The following SYBU variants were observed in gnomAD, a reference collection of about 807,000 sequenced individuals.
SYBU encodes syntabulin.
Under a neutral mutation model 35.9 loss-of-function variants are expected in SYBU, and 21 were observed. The observed-to-expected ratio is 0.58, with a 90% CI of 0.41 to 0.84. The LOEUF (loss-of-function observed/expected upper bound fraction) is 0.84, where lower values mean the gene tolerates loss of function less well. SYBU is among the 40% of genes least tolerant of loss of function. SYBU has a pLI of 0.00. For synonymous variants in SYBU, 319 were observed against 324.3 expected (o/e 0.98, Z 0.18); for missense variants, 768 against 848.2 (o/e 0.91, Z 1.17).
At chr8:109,655,151 G>T (rs9297431) in intron 1 of SYBU, among the ~76,000 whole-genome samples, 18,850 of 152,072 alleles carry the variant, frequency 0.12, 3,288 homozygotes, top group African/African-American at 0.39. Flanking sequence ...CGCCTTTGAC[G>T]TTCACAAATG....
At chr8:109,582,120 G>T in intron 4 of SYBU, among the ~76,000 whole-genome samples, 1 of 152,134 alleles carries the variant, frequency 6.6e-6, no homozygotes, top group Non-Finnish European at 1.5e-5. Flanking sequence ...CCTTAGGCAG[G>T]AATGTAAAGA....
chr8:109,675,790 G>T (rs183755761), intron 1 of SYBU, among the ~76,000 whole-genome samples: 15 of 152,312 alleles, frequency 9.8e-5, no homozygotes, highest in Admixed American at 2.0e-4. Flanking sequence ...CTCATTTTAT[G>T]AGGTCAGCAT....
Position 109,660,566 on chromosome 8 carries a change from T to G in SYBU, c.-129+20145A>C, listed in dbSNP as rs921317312. ...ATCTATCCAAACATAGGGAAACCTT[T>G]AATTCAGGCTAAGGAAAAGAATAAA... On this transcript the variant is annotated intron_variant, in intron 1 of 5. Coordinates refer to the SYBU transcript ENST00000408889. Among the ~76,000 whole-genome samples, 10 of 152,206 alleles carry G rather than the reference T, an allele frequency of 6.6e-5. No homozygotes were observed. In the East Asian group the frequency reaches 1.9e-3, roughly 29 times the overall value.
At chr8:109,645,509 G>T, upstream of SYBU, 1 of 362,312 alleles carries the variant, frequency 2.8e-6, no homozygotes, top group Admixed American at 3.7e-5. Context: ...AGTAGCTCCA[G>T]CACACTGCTA....
At chr8:109,604,253 A>ACC (rs1306153591) in intron 3 of SYBU, among the ~76,000 whole-genome samples, 1 of 152,244 alleles carries the variant, frequency 6.6e-6, no homozygotes, top group Non-Finnish European at 1.5e-5. Context: ...TATTTAAGTT[A>ACC]ACAACGATTG....
intron 1 of SYBU, among the ~76,000 whole-genome samples, chr8:109,675,352 C>G (rs922745172): frequency 6.6e-6 from 1 of 152,098 alleles, no homozygotes; most frequent in African/African-American, 2.4e-5. Flanking sequence ...AATTCCGGAG[C>G]TGGTTTTTTG....
intron 5 of SYBU, among the ~76,000 whole-genome samples, chr8:109,578,830 A>G (rs1397730778): frequency 6.6e-6 from 1 of 152,192 alleles, no homozygotes; most frequent in Non-Finnish European, 1.5e-5. Context: ...CTATTTGCTG[A>G]ATGCAAGTTG....
At chr8:109,634,235 C>T (rs1385648290) in intron 2 of SYBU, among the ~76,000 whole-genome samples, 3 of 152,128 alleles carry the variant, frequency 2.0e-5, no homozygotes, top group Non-Finnish European at 4.4e-5. Context: ...ACCTTCAAAA[C>T]CTTGCTTATG....
upstream of SYBU, chr8:109,645,320 G>C (rs766069722): frequency 1.8e-5 from 8 of 456,576 alleles, no homozygotes; most frequent in Admixed American, 7.0e-5. Context: ...CGTCAGGACC[G>C]ACACAGCCTC....
intron 1 of SYBU, among the ~76,000 whole-genome samples, chr8:109,675,244 GCAAA>G (rs1817142811): frequency 6.6e-6 from 1 of 152,100 alleles, no homozygotes; most frequent in South Asian, 2.1e-4. Context: ...AGGAGCAAGA[GCAAA>G]CAAATTCAAA....
At chr8:109,581,918 C>T (rs958126246) in intron 4 of SYBU, among the ~76,000 whole-genome samples, 1 of 152,170 alleles carries the variant, frequency 6.6e-6, no homozygotes, top group Non-Finnish European at 1.5e-5. Flanking sequence ...ACACTTTATA[C>T]GGAACAGATG....
intron 2 of SYBU, among the ~76,000 whole-genome samples, chr8:109,629,923 T>G (rs887370876): frequency 9.2e-5 from 14 of 152,242 alleles, no homozygotes; most frequent in Admixed American, 5.2e-4. Flanking sequence ...TCATGTGTTT[T>G]TTGGCTGCAT....
chr8:109,578,213 G>A lies in SYBU; in HGVS notation c.735-196C>T, dbSNP rs550648184. On this transcript the variant is annotated intron_variant, in intron 5 of 6. Coordinates refer to ENST00000276646, the MANE Select transcript of SYBU (RefSeq NM_001099754.2). ...CATAAGGGTGAAGCCTTCATAAATG[G>A]GATTAATGCTCTTATAAAAGGAACC... Among the ~76,000 whole-genome samples the A allele has an allele frequency of 5.3e-5, 8 of 152,218 alleles. No homozygotes were observed. The South Asian group carries it at 1.2e-3, about 24-fold the overall frequency.
At chr8:109,580,814 C>T (rs1418804799) in intron 4 of SYBU, 3 of 152,718 alleles carry the variant, frequency 2.0e-5, no homozygotes, top group Non-Finnish European at 4.4e-5. Context: ...TCCATCCAAC[C>T]CCATCCTCCA....
intron 1 of SYBU, among the ~76,000 whole-genome samples, chr8:109,669,352 A>C (rs985827069): frequency 1.3e-5 from 2 of 150,700 alleles, no homozygotes; most frequent in African/African-American, 4.9e-5. Context: ...AAAAAAAAAA[A>C]AAAAAAAAAA....
At chr8:109,682,898 G>A (rs1443421711), upstream of SYBU, among the ~76,000 whole-genome samples, 7 of 152,218 alleles carry the variant, frequency 4.6e-5, no homozygotes, top group African/African-American at 1.7e-4. Flanking sequence ...AGGGGCTAAG[G>A]TACAGCTCTG....
At chr8:109,587,331 A>T (rs988784679) in intron 3 of SYBU, among the ~76,000 whole-genome samples, 5 of 152,170 alleles carry the variant, frequency 3.3e-5, no homozygotes, top group Non-Finnish European at 5.9e-5. Flanking sequence ...TATGCTATAT[A>T]TTATTTAATA....
chr8:109,635,273 C>T (rs557349604), intron 2 of SYBU, among the ~76,000 whole-genome samples: 4 of 152,278 alleles, frequency 2.6e-5, no homozygotes, highest in African/African-American at 9.6e-5. Flanking sequence ...GCGGTGATAC[C>T]TAAACCTCTT....
At chr8:109,632,331 G>A (rs547287757) in intron 2 of SYBU, among the ~76,000 whole-genome samples, 4 of 152,234 alleles carry the variant, frequency 2.6e-5, no homozygotes, top group South Asian at 2.1e-4. Flanking sequence ...ATGAGCCACC[G>A]TGCCCAGCCC....
Sources: allele counts gnomAD v4.1 joint callset (sites outside exome capture counted in the v4.1 genomes callset), GRCh38; gene constraint gnomAD v4.1.1; transcripts MANE v1.5; gene names NCBI Gene and HGNC (gene_info 2026-07-23, HGNC 2026-07-21).